The following SH3RF1 variants were observed in gnomAD, a reference collection of about 807,000 sequenced individuals.
SH3RF1 encodes the protein E3 ubiquitin-protein ligase SH3RF1.
SH3RF1 carries 32 observed loss-of-function variants against 74.0 expected under a neutral mutation model. That is an observed-to-expected ratio of 0.43 (90% confidence interval 0.33 to 0.58). The LOEUF (loss-of-function observed/expected upper bound fraction) is 0.58, where lower values mean the gene tolerates loss of function less well. SH3RF1 is among the 20% of genes least tolerant of loss of function. The probability of loss-of-function intolerance (pLI) is 0.05; values close to 1 mark genes in which losing one functional copy is unlikely to be tolerated. For synonymous variants in SH3RF1, 396 were observed against 439.6 expected (o/e 0.90, Z 1.24); for missense variants, 954 against 1,130.9 (o/e 0.84, Z 2.24).
At chr4:169,262,839 C>T (rs1731301025) in intron 2 of SH3RF1, among the ~76,000 whole-genome samples, 1 of 152,060 alleles carries the variant, frequency 6.6e-6, no homozygotes, top group South Asian at 2.1e-4. Context: ...TCCTTCTACC[C>T]TGTTCAAGAT....
rs55727951 is a variant in SH3RF1 at position 169,192,920 on chromosome 4, GATAT to G, written c.394-36245_394-36242del. ...TTTTATATATATATCATATATATGT[GATAT>G]ATATATATATGATGGAATACTACTC... On this transcript the variant is annotated intron_variant, in intron 2 of 11. Transcript: ENST00000284637. Among the ~76,000 whole-genome samples the G allele has an allele frequency of 1.4e-5, 2 of 146,844 alleles. 1 individual carries two copies. Among genetic ancestry groups the G allele is most frequent in the Admixed American group, 1.4e-4 (2 of 14,608 alleles).
intron 2 of SH3RF1, among the ~76,000 whole-genome samples, chr4:169,199,789 T>C (rs1734879601): frequency 6.6e-6 from 1 of 151,992 alleles, no homozygotes; most frequent in African/African-American, 2.4e-5. Context: ...GTGTGACAAA[T>C]ATAAATAAAA....
At chr4:169,183,798 A>G (rs1215066554) in intron 2 of SH3RF1, among the ~76,000 whole-genome samples, 3 of 152,150 alleles carry the variant, frequency 2.0e-5, no homozygotes, top group Non-Finnish European at 4.4e-5. Flanking sequence ...CTGGAAAAAA[A>G]AAGTCAACAA....
chr4:169,131,426 T>C (rs548591071), intron 5 of SH3RF1, among the ~76,000 whole-genome samples: 2 of 152,202 alleles, frequency 1.3e-5, no homozygotes, highest in African/African-American at 4.8e-5. Flanking sequence ...ACACTTCTTA[T>C]TAGACAGAGT....
chr4:169,227,819 A>C (rs1215623879), intron 2 of SH3RF1, among the ~76,000 whole-genome samples: 1 of 152,216 alleles, frequency 6.6e-6, no homozygotes. Context: ...TAGACAGTGG[A>C]ATTTCCCACA....
At chr4:169,251,324 G>A (rs1016134713) in intron 2 of SH3RF1, among the ~76,000 whole-genome samples, 5 of 152,136 alleles carry the variant, frequency 3.3e-5, no homozygotes, top group African/African-American at 7.2e-5. Context: ...ATGTATACAC[G>A]CTGTAACACA....
At chr4:169,130,214 C>T in intron 5 of SH3RF1, 58 bp from the exon 6 acceptor site, 1 of 1,155,334 alleles carries the variant, frequency 8.7e-7, no homozygotes, top group East Asian at 2.9e-5. Flanking sequence ...ACAGAATATA[C>T]TGGCTAAACC....
intron 4 of SH3RF1, among the ~76,000 whole-genome samples, chr4:169,143,526 TA>T: frequency 6.6e-6 from 1 of 151,910 alleles, no homozygotes; most frequent in Admixed American, 6.6e-5. Context: ...CGAGGCTCAT[TA>T]AGCACAAAGA....
Position 169,243,337 on chromosome 4 carries a change from A to C in SH3RF1, c.393+25483T>G, listed in dbSNP as rs531483218. ...AGACCAGCCTGGCCAACATGGAGAA[A>C]CCTCGTCTCTACTAAAAATACAAAA... On this transcript the variant is annotated intron_variant, in intron 2 of 11. Transcript: ENST00000284637. 2.9e-4 allele frequency among the ~76,000 whole-genome samples: 44 copies of C among 152,208 alleles called. No homozygotes were observed. In the South Asian group the frequency reaches 2.9e-3, roughly 10 times the overall value.
At chr4:169,171,199 A>T (rs543555227) in intron 2 of SH3RF1, among the ~76,000 whole-genome samples, 1 of 152,334 alleles carries the variant, frequency 6.6e-6, no homozygotes, top group Non-Finnish European at 1.5e-5. Context: ...GTAACCAATC[A>T]GGTTGTTTCT....
At chr4:169,260,982 C>T (rs957330015) in intron 2 of SH3RF1, among the ~76,000 whole-genome samples, 2 of 152,212 alleles carry the variant, frequency 1.3e-5, no homozygotes, top group African/African-American at 4.8e-5. Context: ...GTACTCCACT[C>T]ACTTATTCAC....
chr4:169,096,805 A>G, intron 11 of SH3RF1, 118 bp from the exon 12 acceptor site: 2 of 974,800 alleles, frequency 2.1e-6, no homozygotes, highest in Non-Finnish European at 3.0e-6. Context: ...TTCATTTATG[A>G]TTGTAAAACA....
intron 2 of SH3RF1, among the ~76,000 whole-genome samples, chr4:169,203,723 C>A (rs1164643982): frequency 2.0e-5 from 3 of 152,128 alleles, no homozygotes; most frequent in African/African-American, 7.2e-5. Context: ...ATCTGGTACA[C>A]AAAAATAACT....
chr4:169,194,899 C>T (rs891923050), intron 2 of SH3RF1, among the ~76,000 whole-genome samples: 1 of 152,140 alleles, frequency 6.6e-6, no homozygotes, highest in Non-Finnish European at 1.5e-5. Flanking sequence ...CATTGAGCAC[C>T]TTTTCAAAAG....
chr4:169,176,965 G>A (rs115401496), intron 2 of SH3RF1, among the ~76,000 whole-genome samples: 1,751 of 152,128 alleles, frequency 0.012, 31 homozygotes, highest in African/African-American at 0.04. Context: ...ACAGGGTTTC[G>A]CTATGTTGCC....
intron 7 of SH3RF1, 77 bp downstream of exon 7, chr4:169,122,023 A>T: frequency 6.4e-7 from 1 of 1,564,406 alleles, no homozygotes; most frequent in Non-Finnish European, 8.7e-7. Flanking sequence ...CATGTCAGAA[A>T]GGTGTTTCTT....
intron 2 of SH3RF1, among the ~76,000 whole-genome samples, chr4:169,220,773 G>A (rs997429853): frequency 6.6e-6 from 1 of 152,148 alleles, no homozygotes; most frequent in Non-Finnish European, 1.5e-5. Flanking sequence ...GGTGTGTAAT[G>A]TACACAGGAA....
At chr4:169,207,785 C>A (rs1406565401) in intron 2 of SH3RF1, among the ~76,000 whole-genome samples, 2 of 152,188 alleles carry the variant, frequency 1.3e-5, no homozygotes, top group Non-Finnish European at 2.9e-5. Context: ...AACTCCTTGT[C>A]TACTATGTCA....
At position 169,126,358 on chromosome 4, in the gene SH3RF1, C is replaced by G. The variant is rs192946987; in HGVS notation, c.1179+3688G>C. Among the ~76,000 whole-genome samples, 83 of 152,322 alleles carry G rather than the reference C, an allele frequency of 5.4e-4. 1 individual carries two copies. The highest frequency in any genetic ancestry group is 5.0e-3 in the Admixed American group (76 of 15,294). On this transcript the variant is annotated intron_variant, in intron 6 of 11. Coordinates refer to ENST00000284637, the MANE Select transcript of SH3RF1 (RefSeq NM_020870.4). ...CTATGAAAGTTCTGACCATATCCTA[C>G]TCTTCACCCTGATTTTTAGATCTCC...
Sources: gnomAD v4.1 joint callset for allele counts (sites outside exome capture counted in the v4.1 genomes callset) on GRCh38, gnomAD v4.1.1 for gene constraint, MANE v1.5 for transcripts, NCBI Gene and HGNC (gene_info 2026-07-23, HGNC 2026-07-21) for gene names.